The following RUNDC3A variants were observed in gnomAD, a reference collection of about 807,000 sequenced individuals.
RUNDC3A encodes the protein RUN domain containing 3A.
Under a neutral mutation model 53.9 loss-of-function variants are expected in RUNDC3A, and 28 were observed. The observed-to-expected ratio is 0.52, with a 90% CI of 0.38 to 0.71. The LOEUF (loss-of-function observed/expected upper bound fraction) is 0.71, where lower values mean the gene tolerates loss of function less well. Among genes scored for constraint, RUNDC3A ranks in the 30% least tolerant of loss-of-function variants. RUNDC3A has a pLI of 0.00. For synonymous variants in RUNDC3A, 232 were observed against 249.4 expected, an observed-to-expected ratio of 0.93 and a Z score of 0.66; for missense variants, 491 against 597.3, an observed-to-expected ratio of 0.82 and a Z score of 1.85.
At chr17:44,313,753 C>T in intron 4 of RUNDC3A, 1 of 1,154,440 alleles carries the variant, frequency 8.7e-7, no homozygotes. Context: ...GCGATCTCGG[C>T]TCACTGCAAC....
Position 44,314,844 on chromosome 17 carries a change from A to C in RUNDC3A, c.548+20A>C, listed in dbSNP as rs1236084845. ...CTTCAGGTGGGGTCTGCCTGACGGC[A>C]GTGGTGGAGGGGGCTGTTTCCCCCA... On this transcript the variant is annotated intron_variant, in intron 5 of 10. Coordinates refer to ENST00000426726, the MANE Select transcript of RUNDC3A (RefSeq NM_001144825.2). 6.2e-7 allele frequency: 1 copy of C among 1,613,840 alleles called. No individual in the cohort carries two copies. Among genetic ancestry groups the C allele is most frequent in the African/African-American group, 1.3e-5 (1 of 74,932 alleles).
rs148688757 is a variant in RUNDC3A at position 44,314,052 on chromosome 17, G to T, written c.458+549G>T. 4,063 of 992,468 alleles carry T rather than the reference G, an allele frequency of 4.1e-3. 3 individuals are homozygous for T. The highest frequency in any genetic ancestry group is 5.3e-3 in the Admixed American group (91 of 17,270). 61.5% of individuals were successfully genotyped at this position (992,468 alleles called of 1,614,324 possible). Reference sequence around the variant, plus strand: ...ATTATTTGCCATCAATGCCCAGCACGCTCCACCCTTGCACACCTCTGGATG... The same window carrying T: ...ATTATTTGCCATCAATGCCCAGCACTCTCCACCCTTGCACACCTCTGGATG... On this transcript the variant is annotated intron_variant, in intron 4 of 10. Coordinates refer to ENST00000426726, the MANE Select transcript of RUNDC3A (RefSeq NM_001144825.2).
chr17:44,314,576 G>T (rs1394341023), intron 4 of RUNDC3A, 159 bp from the exon 5 acceptor site: 1 of 1,445,802 alleles, frequency 6.9e-7, no homozygotes, highest in African/African-American at 1.4e-5. Context: ...CGAGCCCCAG[G>T]CTGAAGGGGG....
At chr17:44,312,920 GC>G (rs35497198) in intron 2 of RUNDC3A, among the ~76,000 whole-genome samples, 183 bp from the exon 3 acceptor site, 1 of 152,220 alleles carries the variant, frequency 6.6e-6, no homozygotes, top group Non-Finnish European at 1.5e-5. Context: ...AGAGGGAGAG[GC>G]CTTTGGCCTA....
In RUNDC3A at chr17:44,318,360, T is replaced by A. The variant is rs2047917765; in HGVS notation, c.*122T>A. On this transcript the variant is annotated 3_prime_UTR_variant, in exon 11 of 11. Coordinates refer to ENST00000426726, the MANE Select transcript of RUNDC3A (RefSeq NM_001144825.2). ...GAGAACGCTACCCACCCAGCCAGGG[T>A]TCTCTCGGGGAAGATCTCGTCTGCT... 8.8e-7 allele frequency: 1 copy of A among 1,130,708 alleles called. No individual in the cohort carries two copies. The highest frequency in any genetic ancestry group is 1.3e-6 in the Non-Finnish European group (1 of 798,768). The allele number at this position is 1,130,708 out of a possible 1,614,324, so 70.0% of individuals were successfully genotyped here.
At chr17:44,317,147 C>T (rs1357264126) in intron 10 of RUNDC3A, 2 of 469,340 alleles carry the variant, frequency 4.3e-6, no homozygotes, top group Non-Finnish European at 7.7e-6. Flanking sequence ...TGCCCGGCCT[C>T]TCTCAGCCTT....
chr17:44,309,007 C>T (rs2047697482), intron 1 of RUNDC3A, 68 bp downstream of exon 1: 8 of 1,079,254 alleles, frequency 7.4e-6, no homozygotes, highest in Non-Finnish European at 9.3e-6. Flanking sequence ...TGCGGAAACC[C>T]GGACTGAGCG....
Position 44,308,782 on chromosome 17 carries a change from C to T in RUNDC3A, c.-51C>T, listed in dbSNP as rs1340822561. 9.2e-7 allele frequency: 1 copy of T among 1,081,642 alleles called. No individual in the cohort carries two copies. Among genetic ancestry groups the T allele is most frequent in the Non-Finnish European group, 1.2e-6 (1 of 820,870 alleles). The allele number at this position is 1,081,642 out of a possible 1,614,324, so 67.0% of individuals were successfully genotyped here. On this transcript the variant is annotated 5_prime_UTR_variant, in exon 1 of 11. Coordinates refer to ENST00000426726, the MANE Select transcript of RUNDC3A (RefSeq NM_001144825.2). ...TGATCCAGCGACGGGTTTGGGGCTCCGGGAGGGGTGGGGGGGCAGCGGGCG... is the reference window on the plus strand; with the variant it reads ...TGATCCAGCGACGGGTTTGGGGCTCTGGGAGGGGTGGGGGGGCAGCGGGCG...
chr17:44,315,559 G>C lies in RUNDC3A; in HGVS notation c.903G>C (p.Gln301His). 12 of 1,514,718 alleles carry C rather than the reference G, an allele frequency of 7.9e-6. No homozygotes were observed. Among genetic ancestry groups the C allele is most frequent in the Non-Finnish European group, 1.1e-5 (12 of 1,131,444 alleles). 93.8% of individuals were successfully genotyped at this position (1,514,718 alleles called of 1,614,324 possible). Reference protein sequence around the residue: ...LQLEEAAAQNQREKRELEGVI... With the variant: ...LQLEEAAAQNHREKRELEGVI... Reference sequence around the variant, plus strand: ...TGGAGGAGGCGGCGGCGCAGAACCAGCGCGAGAAACGGGAGCTGGAAGGCG... The same window carrying C: ...TGGAGGAGGCGGCGGCGCAGAACCACCGCGAGAAACGGGAGCTGGAAGGCG... Residue 301 changes from glutamine to histidine, a missense_variant, in exon 8 of 11, where the codon CAG becomes CAC. Around this residue, in one of 2 missense-constraint regions of RUNDC3A, gnomAD observed 218 missense variants for 208.2 expected, o/e 1.05. Coordinates refer to ENST00000426726, the MANE Select transcript of RUNDC3A (RefSeq NM_001144825.2). This position sits in a 1 kb window ranked among gnomAD's most constrained non-coding sequence, Gnocchi z 6.1.
intron 2 of RUNDC3A, 81 bp from the exon 3 acceptor site, chr17:44,313,020 ATGC>A: frequency 1.4e-6 from 2 of 1,456,138 alleles, no homozygotes; most frequent in Non-Finnish European, 1.9e-6. Flanking sequence ...GAGGCTGCTT[ATGC>A]TTATGCATGT....
At chr17:44,311,601 A>C (rs2047748302) in intron 1 of RUNDC3A, 1 of 154,190 alleles carries the variant, frequency 6.5e-6, no homozygotes, top group Admixed American at 6.5e-5. Context: ...AGCAGCTCCC[A>C]TTTCCCTGGA....
At chr17:44,318,026 C>G in intron 10 of RUNDC3A, 70 bp from the exon 11 acceptor site, 1 of 1,465,600 alleles carries the variant, frequency 6.8e-7, no homozygotes, top group African/African-American at 1.4e-5. Flanking sequence ...TGCCCCTTCA[C>G]TGCCCACCCC....
At chr17:44,316,824 T>C in intron 10 of RUNDC3A, 99 bp downstream of exon 10, 7 of 497,264 alleles carry the variant, frequency 1.4e-5, no homozygotes, top group South Asian at 4.4e-5. Context: ...CTTAGTCTTT[T>C]TTTTTTTTTT....
chr17:44,318,431 C>T lies in RUNDC3A; in HGVS notation c.*193C>T, dbSNP rs776069553. The T allele has an allele frequency of 7.4e-5, 49 of 660,198 alleles. No individual in the cohort carries two copies. Among genetic ancestry groups the T allele is most frequent in the Middle Eastern group, 4.3e-4 (1 of 2,334 alleles). The allele number at this position is 660,198 out of a possible 1,614,324, so 40.9% of individuals were successfully genotyped here. A position where few individuals can be genotyped will look rare whatever the true frequency, so the allele number is the denominator to read the frequency against. ...GCAGCACGGGCTGCGGAAGAAAGCA[C>T]GCTGGGCCAGGAGGCAGGGGTGCCC... is the stretch of plus-strand genomic sequence containing the variant. On this transcript the variant is annotated 3_prime_UTR_variant, in exon 11 of 11. Coordinates refer to ENST00000426726, the MANE Select transcript of RUNDC3A (RefSeq NM_001144825.2).
chr17:44,309,527 C>T (rs1053780647), intron 1 of RUNDC3A, among the ~76,000 whole-genome samples: 2 of 152,122 alleles, frequency 1.3e-5, no homozygotes, highest in African/African-American at 4.8e-5. Context: ...GAGGACAGGG[C>T]CACTGGTCTC....
Position 44,318,448 on chromosome 17 carries a change from G to C in RUNDC3A, c.*210G>C. 1.7e-6 allele frequency: 1 copy of C among 598,048 alleles called. No homozygotes were observed. Among genetic ancestry groups the C allele is most frequent in the South Asian group, 2.2e-5 (1 of 44,784 alleles). 37.0% of individuals were successfully genotyped at this position (598,048 alleles called of 1,614,324 possible). On this transcript the variant is annotated 3_prime_UTR_variant, in exon 11 of 11. Coordinates refer to ENST00000426726, the MANE Select transcript of RUNDC3A (RefSeq NM_001144825.2). Reference sequence around the variant, plus strand: ...AGAAAGCACGCTGGGCCAGGAGGCAGGGGTGCCCAAGCCACAGGGAGCCCC... The same window carrying C: ...AGAAAGCACGCTGGGCCAGGAGGCACGGGTGCCCAAGCCACAGGGAGCCCC...
rs571501206 is a variant in RUNDC3A, at chr17:44,318,119, C to T, written c.1222C>T (p.Leu408=). 3.2e-6 allele frequency: 5 copies of T among 1,551,498 alleles called. No homozygotes were observed. The South Asian group carries it at 4.8e-5, about 15-fold the overall frequency. Residue 408 remains leucine, a synonymous_variant, in exon 11 of 11, where the codon CTG becomes TTG. Transcript: ENST00000426726. ...AGGGAAGGACCCCACGCCCTCCATG[C>T]TGGGCCTCTGCGGCTCCCTGGCCTC... ...PIGKDPTPSM[L]GLCGSLASIP...
At chr17:44,317,937 A>C (rs943050833) in intron 10 of RUNDC3A, 159 bp from the exon 11 acceptor site, 1 of 671,424 alleles carries the variant, frequency 1.5e-6, no homozygotes, top group Non-Finnish European at 2.6e-6. Flanking sequence ...TGGCACAGGC[A>C]GGTGCTTAAC....
At chr17:44,310,625 C>T (rs2047731642) in intron 1 of RUNDC3A, 1 of 880,286 alleles carries the variant, frequency 1.1e-6, no homozygotes, top group African/African-American at 1.8e-5. Flanking sequence ...CAGAACAGCT[C>T]CCTTTAGCAG....
Sources: gnomAD v4.1 joint callset for allele counts (sites outside exome capture counted in the v4.1 genomes callset) on GRCh38, gnomAD v4.1.1 for gene constraint, gnomAD v4.1.1 regional missense constraint, Gnocchi (gnomAD v3.1) non-coding constraint, MANE v1.5 for transcripts, NCBI Gene and HGNC (gene_info 2026-07-23, HGNC 2026-07-21) for gene names.